Variants in KLF12 observed in about 807,000 individuals in gnomAD.
KLF12 encodes KLF transcription factor 12.
KLF12 carries 9 observed loss-of-function variants against 37.8 expected under a neutral mutation model. The ratio of observed to expected loss-of-function variants is 0.24; its 90% confidence interval spans 0.14 to 0.42. The LOEUF (loss-of-function observed/expected upper bound fraction) is 0.42, where lower values mean the gene tolerates loss of function less well. Among genes scored for constraint, KLF12 ranks in the 10% least tolerant of loss-of-function variants. The probability of loss-of-function intolerance (pLI) is 1.00; values close to 1 mark genes in which losing one functional copy is unlikely to be tolerated. For synonymous variants in KLF12, 208 were observed against 202.1 expected (o/e 1.03, Z -0.25); for missense variants, 411 against 516.0 (o/e 0.80, Z 1.97).
chr13:73,802,233 T>A (rs1404250341), intron 5 of KLF12: 2 of 152,136 alleles, frequency 1.3e-5, no homozygotes, highest in African/African-American at 4.8e-5. Flanking sequence ...TCAAGAAGAT[T>A]CATGCACAAA....
chr13:73,691,069 G>C lies in KLF12; in HGVS notation c.*4421C>G, dbSNP rs567738102. 1 of 152,534 alleles carries C rather than the reference G, an allele frequency of 6.6e-6. No homozygotes were observed. Among genetic ancestry groups the C allele is most frequent in the African/African-American group, 2.4e-5 (1 of 41,404 alleles). The allele number at this position is 152,534 out of a possible 1,614,324, so 9.4% of individuals were successfully genotyped here. On this transcript the variant is annotated 3_prime_UTR_variant, in exon 8 of 8. Coordinates refer to ENST00000377669, the MANE Select transcript of KLF12 (RefSeq NM_007249.5). ...AGAGTCATATATAGTATTATAAGCC[G>C]GTTTCCTAATAAGGTAAGTAACTCA...
At chr13:74,119,153 C>CA (rs963858122) in intron 1 of KLF12, among the ~76,000 whole-genome samples, 2 of 151,824 alleles carry the variant, frequency 1.3e-5, no homozygotes, top group Non-Finnish European at 2.9e-5. Flanking sequence ...GCCAACATGG[C>CA]AAAACCCCAT....
At chr13:74,205,044 G>C in the KLF12 span, among the ~76,000 whole-genome samples, 2 of 151,988 alleles carry the variant, frequency 1.3e-5, no homozygotes, top group Admixed American at 6.6e-5. Context: ...TTTAAAAAGT[G>C]AACTTCTGTG....
chr13:74,300,570 A>G, the KLF12 span, among the ~76,000 whole-genome samples: 4 of 152,136 alleles, frequency 2.6e-5, no homozygotes, highest in East Asian at 7.7e-4. Context: ...AGAGACAACC[A>G]TCACCTTGCC....
At chr13:73,786,132 G>A (rs1228651168) in intron 5 of KLF12, among the ~76,000 whole-genome samples, 1 of 152,146 alleles carries the variant, frequency 6.6e-6, no homozygotes, top group African/African-American at 2.4e-5. Context: ...TGGGGCAGCT[G>A]GGGAGAGATT....
the KLF12 span, among the ~76,000 whole-genome samples, chr13:74,296,402 G>A: frequency 2.9e-4 from 44 of 151,980 alleles, no homozygotes; most frequent in African/African-American, 8.5e-4. Flanking sequence ...GCCTGGTTTC[G>A]TCTTAAACAT....
At chr13:74,093,736 T>C (rs924092532) in intron 1 of KLF12, among the ~76,000 whole-genome samples, 10 of 151,168 alleles carry the variant, frequency 6.6e-5, no homozygotes. Flanking sequence ...TATAAATATA[T>C]ATAGTGAGAG....
At chr13:74,304,311 G>T in the KLF12 span, among the ~76,000 whole-genome samples, 221 of 152,182 alleles carry the variant, frequency 1.5e-3, no homozygotes, top group African/African-American at 5.1e-3. Context: ...ACTCTGAAGC[G>T]TTGCTCACTC....
At chr13:73,729,957 A>G (rs1876941064) in intron 6 of KLF12, among the ~76,000 whole-genome samples, 1 of 152,110 alleles carries the variant, frequency 6.6e-6, no homozygotes, top group African/African-American at 2.4e-5. Context: ...GTGGAAGTGT[A>G]AAGCCTCCTT....
chr13:73,858,702 C>A (rs976412410), intron 3 of KLF12, among the ~76,000 whole-genome samples: 4 of 152,052 alleles, frequency 2.6e-5, no homozygotes, highest in Non-Finnish European at 4.4e-5. Context: ...CAGCATTTTC[C>A]CCCCTAGAGA....
intron 2 of KLF12, among the ~76,000 whole-genome samples, chr13:73,977,424 A>G (rs1891561974): frequency 6.6e-6 from 1 of 152,190 alleles, no homozygotes; most frequent in Non-Finnish European, 1.5e-5. Flanking sequence ...CAAAGCCACA[A>G]AAAATTAGTA....
chr13:73,732,543 T>C (rs1428156093), intron 6 of KLF12, among the ~76,000 whole-genome samples: 2 of 152,108 alleles, frequency 1.3e-5, no homozygotes, highest in Non-Finnish European at 2.9e-5. Flanking sequence ...AGTTGCTCAA[T>C]AGATAGTTGC....
chr13:73,902,586 T>G (rs1888090298), intron 3 of KLF12, among the ~76,000 whole-genome samples: 1 of 152,202 alleles, frequency 6.6e-6, no homozygotes, highest in East Asian at 1.9e-4. Flanking sequence ...ACTTTAGGTG[T>G]TACTTTATTT....
At chr13:74,209,944 T>C in the KLF12 span, among the ~76,000 whole-genome samples, 1 of 152,190 alleles carries the variant, frequency 6.6e-6, no homozygotes, top group Non-Finnish European at 1.5e-5. Context: ...TTTGACCAAA[T>C]GTGTGAAACT....
At chr13:73,931,415 C>A (rs1341290907) in intron 3 of KLF12, among the ~76,000 whole-genome samples, 2 of 151,988 alleles carry the variant, frequency 1.3e-5, no homozygotes, top group Non-Finnish European at 2.9e-5. Flanking sequence ...TGTGAATATA[C>A]CCAAGGGCAA....
At chr13:73,855,153 G>T (rs1239473118) in intron 3 of KLF12, among the ~76,000 whole-genome samples, 1 of 152,102 alleles carries the variant, frequency 6.6e-6, no homozygotes, top group Non-Finnish European at 1.5e-5. Context: ...TGTTATATGG[G>T]TATATTATGT....
chr13:74,156,801 A>G, the KLF12 span, among the ~76,000 whole-genome samples: 4 of 152,204 alleles, frequency 2.6e-5, no homozygotes, highest in Non-Finnish European at 1.5e-5. Flanking sequence ...AAATGACTGT[A>G]TCTCACTCTT....
the KLF12 span, among the ~76,000 whole-genome samples, chr13:74,235,117 G>T: frequency 1.8e-3 from 271 of 152,302 alleles, no homozygotes; most frequent in African/African-American, 6.3e-3. Context: ...ACTCGTGAAG[G>T]CAGATGTATC....
Position 73,690,957 on chromosome 13 carries a change from T to C in KLF12, c.*4533A>G, listed in dbSNP as rs747700929. ...GTAATTAGCATATTTAAAGTATCAGTGGACATGGGTTACTAAACAGACATT... is the reference window on the plus strand; with the variant it reads ...GTAATTAGCATATTTAAAGTATCAGCGGACATGGGTTACTAAACAGACATT... On this transcript the variant is annotated 3_prime_UTR_variant, in exon 8 of 8. Transcript: ENST00000377669. The C allele has an allele frequency of 3.3e-5, 5 of 152,754 alleles. No homozygotes were observed. Among genetic ancestry groups the C allele is most frequent in the Middle Eastern group, 6.8e-3 (2 of 294 alleles). 9.5% of individuals were successfully genotyped at this position (152,754 alleles called of 1,614,324 possible).
Sources: gnomAD v4.1 joint callset for allele counts (sites outside exome capture counted in the v4.1 genomes callset) on GRCh38, gnomAD v4.1.1 for gene constraint, MANE v1.5 for transcripts, NCBI Gene and HGNC (gene_info 2026-07-23, HGNC 2026-07-21) for gene names.